SYNE1: variants seen among roughly 807,000 people sequenced by gnomAD.
SYNE1 encodes the protein spectrin repeat containing nuclear envelope protein 1, also known as nesprin-1.
A neutral mutation model predicts 1,111.0 loss-of-function variants in SYNE1; 616 were observed. The observed-to-expected ratio is 0.55, with a 90% CI of 0.52 to 0.59. The LOEUF (loss-of-function observed/expected upper bound fraction) is 0.59, where lower values mean the gene tolerates loss of function less well. Among genes scored for constraint, SYNE1 ranks in the 20% least tolerant of loss-of-function variants. The pLI is 0.00. For missense variants in SYNE1, 10,006 were observed against 10,417.0 expected, an observed-to-expected ratio of 0.96 and a Z score of 1.72; for synonymous variants, 3,855 against 3,825.8, an observed-to-expected ratio of 1.01 and a Z score of -0.28.
chr6:152,465,067 C>T, intron 18 of SYNE1, 191 bp downstream of exon 18: 1 of 632,844 alleles, frequency 1.6e-6, no homozygotes, highest in South Asian at 1.9e-5. Context: ...TTTACTCAAC[C>T]CTCCATCAGC....
chr6:152,256,837 T>C (rs1233652982), intron 101 of SYNE1, 72 bp from the exon 102 acceptor site: 3 of 1,596,300 alleles, frequency 1.9e-6, no homozygotes, highest in African/African-American at 1.3e-5. Context: ...TGGAAATGCA[T>C]ACTGAAATAG....
chr6:152,239,797 G>T lies in SYNE1; in HGVS notation c.19894-91C>A, dbSNP rs151066595. The T allele has an allele frequency of 2.6e-4, 365 of 1,388,258 alleles. 2 individuals carry two copies. In the African/African-American group the frequency reaches 4.8e-3, roughly 18 times the overall value. 86.0% of individuals were successfully genotyped at this position (1,388,258 alleles called of 1,614,324 possible). A position where few individuals can be genotyped will look rare whatever the true frequency, so the allele number is the denominator to read the frequency against. Reference sequence around the variant, plus strand: ...TTTAGGGCCGGGTGCGGTGGCTCACGCCTGTAATCCCAACAGTTGGGGAGG... The same window carrying T: ...TTTAGGGCCGGGTGCGGTGGCTCACTCCTGTAATCCCAACAGTTGGGGAGG... On this transcript the variant is annotated intron_variant, in intron 107 of 145. Coordinates refer to ENST00000367255, the MANE Select transcript of SYNE1 (RefSeq NM_182961.4).
At chr6:152,534,442 CAAATT>C (rs969862547) in intron 4 of SYNE1, among the ~76,000 whole-genome samples, 8 of 151,918 alleles carry the variant, frequency 5.3e-5, no homozygotes, top group African/African-American at 1.7e-4. Flanking sequence ...TTAGGGTTGA[CAAATT>C]AAATTATTTT....
intron 42 of SYNE1, among the ~76,000 whole-genome samples, chr6:152,411,579 A>G (rs214981): frequency 0.45 from 67,749 of 152,008 alleles, 16,506 homozygotes; most frequent in East Asian, 0.75. Flanking sequence ...AGACATACAG[A>G]TTGCAAATAA....
intron 120 of SYNE1, 48 bp from the exon 121 acceptor site, chr6:152,218,451 T>C (rs746492206): frequency 2.9e-6 from 4 of 1,381,512 alleles, no homozygotes; most frequent in African/African-American, 1.4e-5. Context: ...AAAAAAAAAA[T>C]TGGTATTTTA....
At chr6:152,324,566 G>A (rs1322703169) in intron 81 of SYNE1, among the ~76,000 whole-genome samples, 1 of 152,190 alleles carries the variant, frequency 6.6e-6, no homozygotes, top group Admixed American at 6.5e-5. Context: ...GGGCTGAGGC[G>A]GGCGGATCAC....
rs1591450086 is a variant in SYNE1 at position 152,376,784 on chromosome 6, C to A, written c.9138G>T (p.Glu3046Asp). ...YSGKVSGLIK[E>D]YNCLCLQASK... ...ATAAGGTTCATGCTCACCAATTATA[C>A]TCTTTAATCAAGCCAGAAACTTTTC... is the stretch of plus-strand genomic sequence containing the variant. The change falls in exon 57 of 146, where the codon GAG becomes GAT. Residue 3046 changes from glutamate (E) to aspartate (D), a missense_variant. This residue lies in a region of SYNE1 where 4,955 missense variants were observed against 5,017.2 expected (regional missense o/e 0.99). Transcript: ENST00000367255. The A allele has an allele frequency of 1.2e-6, 2 of 1,613,916 alleles. No homozygotes were observed. Among genetic ancestry groups the A allele is most frequent in the Non-Finnish European group, 1.7e-6 (2 of 1,179,990 alleles).
rs759295459 is a variant in SYNE1 at position 152,278,135 on chromosome 6, A to G, written c.18527T>C (p.Leu6176Pro). Reference sequence around the variant, plus strand: ...ATGCAGGGCTCTCTGCAGCTCCAGCAGGCTCCCCTTGAGCCTTCTCAGCTT... The same window carrying G: ...ATGCAGGGCTCTCTGCAGCTCCAGCGGGCTCCCCTTGAGCCTTCTCAGCTT... Reference protein sequence around the residue: ...AGKLRRLKGSLLELQRALHDK... With the variant: ...AGKLRRLKGSPLELQRALHDK... Residue 6176 changes from leucine to proline, a missense_variant, in exon 98 of 146, where the codon CTG becomes CCG. Physicochemically the swap from Leu to Pro is moderately conservative, Grantham distance 98. Around this residue, in one of 7 missense-constraint regions of SYNE1, gnomAD observed 2,182 missense variants for 2,287.8 expected, o/e 0.95. Coordinates refer to ENST00000367255, the MANE Select transcript of SYNE1 (RefSeq NM_182961.4). 1 of 1,614,116 alleles carries G rather than the reference A, an allele frequency of 6.2e-7. No homozygotes were observed. The highest frequency in any genetic ancestry group is 1.7e-5 in the Admixed American group (1 of 60,022).
chr6:152,376,368 A>G lies in SYNE1; in HGVS notation c.9324+13T>C, dbSNP rs2097282277. 6.2e-7 allele frequency: 1 copy of G among 1,613,702 alleles called. No individual in the cohort carries two copies. The highest frequency in any genetic ancestry group is 8.5e-7 in the Non-Finnish European group (1 of 1,179,688). ...TCAGCACTGCTACTAGAATTAATTGATAACACCCTTACCTGTATTTTCTGA... is the reference window on the plus strand; with the variant it reads ...TCAGCACTGCTACTAGAATTAATTGGTAACACCCTTACCTGTATTTTCTGA... On this transcript the variant is annotated intron_variant, in intron 58 of 145. Coordinates refer to ENST00000367255, the MANE Select transcript of SYNE1 (RefSeq NM_182961.4).
At chr6:152,563,273 C>T (rs1341128060) in intron 3 of SYNE1, among the ~76,000 whole-genome samples, 1 of 152,112 alleles carries the variant, frequency 6.6e-6, no homozygotes, top group Non-Finnish European at 1.5e-5. Flanking sequence ...TAGCAGCATT[C>T]TCCTGATATT....
Position 152,149,581 on chromosome 6 carries a change from A to G in SYNE1, c.24538T>C (p.Leu8180=). Residue 8180 remains leucine (L), a synonymous_variant, in exon 136 of 146, where the codon TTG becomes CTG. Transcript: ENST00000367255. ...GEQLIEKSEP[L]DAAIIEEELD... Reference sequence around the variant, plus strand: ...TCCTCCTCGATGATCGCTGCATCCAAGGGCTCACTCTTTTCTATCAGCTGT... The same window carrying G: ...TCCTCCTCGATGATCGCTGCATCCAGGGGCTCACTCTTTTCTATCAGCTGT... 1 of 1,614,128 alleles carries G rather than the reference A, an allele frequency of 6.2e-7. No homozygotes were observed. The highest frequency in any genetic ancestry group is 1.3e-5 in the African/African-American group (1 of 75,040).
chr6:152,620,658 A>C (rs1241190109), intron 3 of SYNE1, among the ~76,000 whole-genome samples: 1 of 152,076 alleles, frequency 6.6e-6, no homozygotes, highest in East Asian at 1.9e-4. Context: ...TATATCTAGA[A>C]TATTACCACC....
rs2099598218 is a variant in SYNE1 at position 152,602,356 on chromosome 6, ACAGC to A, written c.67+25905_67+25908del. Among the ~76,000 whole-genome samples, 3 of 152,176 alleles carry A rather than the reference ACAGC, an allele frequency of 2.0e-5. No homozygotes were observed. The South Asian group carries it at 6.2e-4, about 31-fold the overall frequency. On this transcript the variant is annotated intron_variant, in intron 3 of 145. Transcript: ENST00000367255. ...AATATGAAGAAGAGATAGGAAGAAG[ACAGC>A]CATCTACAAACCAGGGAGAGAGGCT... is the stretch of plus-strand genomic sequence containing the variant.
chr6:152,526,109 G>A lies in SYNE1; in HGVS notation c.196C>T (p.Leu66Phe), dbSNP rs762436736. ...TTCTGCCCAGACAGGACCTCCAGAAGGGCAAGCAGTTTAACACCATCTTTC... is the reference window on the plus strand; with the variant it reads ...TTCTGCCCAGACAGGACCTCCAGAAAGGCAAGCAGTTTAACACCATCTTTC... Reference protein sequence around the residue: ...DMKDGVKLLALLEVLSGQKLP... With the variant: ...DMKDGVKLLAFLEVLSGQKLP... Residue 66 changes from leucine (L) to phenylalanine (F), a missense_variant, in exon 5 of 146, where the codon CTT becomes TTT. Physicochemically the swap from Leu to Phe is conservative, Grantham distance 22. Coordinates refer to ENST00000367255, the MANE Select transcript of SYNE1 (RefSeq NM_182961.4). 1.1e-5 allele frequency: 18 copies of A among 1,613,960 alleles called. No homozygotes were observed. Among genetic ancestry groups the A allele is most frequent in the Non-Finnish European group, 1.2e-5 (14 of 1,179,994 alleles).
intron 19 of SYNE1, 88 bp from the exon 20 acceptor site, chr6:152,462,978 G>A (rs941127168): frequency 1.0e-5 from 15 of 1,475,952 alleles, no homozygotes; most frequent in Admixed American, 5.1e-5. Flanking sequence ...ATATTCGCTG[G>A]AATTGTTATC....
intron 145 of SYNE1, chr6:152,127,198 C>G (rs2053766257): frequency 6.6e-6 from 1 of 152,156 alleles, no homozygotes; most frequent in Non-Finnish European, 1.5e-5. Flanking sequence ...TTCTACCCAT[C>G]AATGGCCCTT....
In SYNE1 at chr6:152,419,590, T is replaced by C; in HGVS notation, c.5400A>G (p.Gln1800=). 6.2e-7 allele frequency: 1 copy of C among 1,612,952 alleles called. No homozygotes were observed. The part of the protein sequence containing the change: ...TTSEISIMDH[Q]VALTRHKDHA... ...TTACCTTATGCCGAGTAAGGGCTAC[T>C]TGATGGTCCATTATGCTAATCTCAG... The change falls in exon 40 of 146, where the codon CAA becomes CAG. Residue 1800 remains glutamine (Q), a synonymous_variant. Transcript: ENST00000367255.
intron 140 of SYNE1, among the ~76,000 whole-genome samples, chr6:152,138,108 AC>A (rs1294735757): frequency 6.6e-6 from 1 of 152,172 alleles, no homozygotes; most frequent in African/African-American, 2.4e-5. Flanking sequence ...CTCACGTGGT[AC>A]TTTGTCCTGA....
intron 34 of SYNE1, chr6:152,433,500 G>C (rs1430521846): frequency 2.4e-5 from 10 of 413,746 alleles, no homozygotes; most frequent in Non-Finnish European, 4.4e-5. Flanking sequence ...TTCTATTGAG[G>C]TTAATTCAAA....
Sources: allele counts gnomAD v4.1 joint callset (sites outside exome capture counted in the v4.1 genomes callset), GRCh38; gene constraint gnomAD v4.1.1; regional missense constraint gnomAD v4.1.1; transcripts MANE v1.5; gene names NCBI Gene and HGNC (gene_info 2026-07-23, HGNC 2026-07-21).